Variants in MED25 observed in about 807,000 individuals in gnomAD.
MED25 encodes mediator of RNA polymerase II transcription subunit 25.
MED25 carries 62 observed loss-of-function variants against 89.4 expected under a neutral mutation model. That is an observed-to-expected ratio of 0.69 (90% CI 0.57 to 0.86). MED25 has a LOEUF of 0.86. MED25 is among the 40% of genes least tolerant of loss of function. The probability of loss-of-function intolerance (pLI) is 0.00; values close to 1 mark genes in which losing one functional copy is unlikely to be tolerated. For synonymous variants in MED25, 449 were observed against 427.9 expected, an observed-to-expected ratio of 1.05 and a Z score of -0.61; for missense variants, 905 against 1,005.2, an observed-to-expected ratio of 0.90 and a Z score of 1.35.
At chr19:49,837,044 T>G, downstream of MED25, 38 of 958,510 alleles carry the variant, frequency 4.0e-5, no homozygotes, top group Non-Finnish European at 5.9e-5. Context: ...GGGGCATCTC[T>G]GTCCTTGTTC....
intron 3 of MED25, among the ~76,000 whole-genome samples, chr19:49,827,592 C>T (rs2074024204): frequency 6.6e-6 from 1 of 152,294 alleles, no homozygotes; most frequent in Non-Finnish European, 1.5e-5. Context: ...TTTTCACAGA[C>T]ACCAGCCATA....
In MED25 at chr19:49,818,307, C is replaced by T. The variant is rs777058542; in HGVS notation, c.-35C>T. The T allele has an allele frequency of 4.5e-5, 71 of 1,560,662 alleles. 1 individual carries two copies. In the South Asian group the frequency reaches 7.8e-4, roughly 17 times the overall value. On this transcript the variant is annotated 5_prime_UTR_variant, in exon 1 of 18. Transcript: ENST00000312865. ...TCTGCTCATTCCGCGGCGTCGGCTG[C>T]GGCTGCAGTGGTGGTGGCGGGTACC...
Position 49,836,864 on chromosome 19 carries a change from G to C in MED25, c.2164G>C (p.Gly722Arg). 6.2e-7 allele frequency: 1 copy of C among 1,611,306 alleles called. No individual in the cohort carries two copies. Among genetic ancestry groups the C allele is most frequent in the Non-Finnish European group, 8.5e-7 (1 of 1,179,170 alleles). ...APLPGQMLLS[G>R]GPRGPVPQPG... ...CCCCTCAGGTCAGATGCTGCTGAGC[G>C]GGGGTCCCCGGGGCCCGGTCCCCCA... is the stretch of plus-strand genomic sequence containing the variant. Residue 722 changes from glycine to arginine, a missense_variant, in exon 18 of 18, where the codon GGG becomes CGG. Coordinates refer to ENST00000312865, the MANE Select transcript of MED25 (RefSeq NM_030973.4). The surrounding 1 kb of genome is among the most constrained non-coding windows in gnomAD (Gnocchi z 5.1).
downstream of MED25, chr19:49,839,623 A>G (rs1446369197): frequency 6.6e-6 from 1 of 152,240 alleles, no homozygotes; most frequent in Non-Finnish European, 1.5e-5. Flanking sequence ...GGTCAAGGTT[A>G]TGACCGTTCT....
In MED25 at chr19:49,836,870, C is replaced by A. The variant is rs1027297537; in HGVS notation, c.2170C>A (p.Pro724Thr). Residue 724 changes from proline (P) to threonine (T), a missense_variant, in exon 18 of 18, where the codon CCC becomes ACC. Pro to Thr is a conservative substitution (Grantham distance 38). Coordinates refer to ENST00000312865, the MANE Select transcript of MED25 (RefSeq NM_030973.4). This position sits in a 1 kb window ranked among gnomAD's most constrained non-coding sequence, Gnocchi z 5.1. ...LPGQMLLSGG[P>T]RGPVPQPGLQ... Reference sequence around the variant, plus strand: ...AGGTCAGATGCTGCTGAGCGGGGGTCCCCGGGGCCCGGTCCCCCAGCCGGG... The same window carrying A: ...AGGTCAGATGCTGCTGAGCGGGGGTACCCGGGGCCCGGTCCCCCAGCCGGG... 6.2e-7 allele frequency: 1 copy of A among 1,611,596 alleles called. No homozygotes were observed. The highest frequency in any genetic ancestry group is 1.7e-5 in the Admixed American group (1 of 59,920).
chr19:49,834,077 G>C lies in MED25; in HGVS notation c.1483-909G>C, dbSNP rs1600329493. On this transcript the variant is annotated intron_variant, in intron 13 of 17. Transcript: ENST00000312865. This position sits in a 1 kb window ranked among gnomAD's most constrained non-coding sequence, Gnocchi z 4.1. ...TGCTTTCATGAAGGAGGGGAAGGGG[G>C]CTGTGTGTTTCCCTTTCTTCAAGAC... The C allele has an allele frequency of 6.6e-6, 1 of 152,310 alleles. No individual in the cohort carries two copies. Among genetic ancestry groups the C allele is most frequent in the South Asian group, 2.1e-4 (1 of 4,828 alleles). The allele number at this position is 152,310 out of a possible 1,614,324, so 9.4% of individuals were successfully genotyped here. A position where few individuals can be genotyped will look rare whatever the true frequency, so the allele number is the denominator to read the frequency against.
chr19:49,836,616 C>T lies in MED25; in HGVS notation c.2146+210C>T. 1 of 750,170 alleles carries T rather than the reference C, an allele frequency of 1.3e-6. No individual in the cohort carries two copies. The highest frequency in any genetic ancestry group is 2.4e-6 in the Non-Finnish European group (1 of 420,956). 46.5% of individuals were successfully genotyped at this position (750,170 alleles called of 1,614,324 possible). On this transcript the variant is annotated intron_variant, in intron 17 of 17. Transcript: ENST00000312865. The surrounding 1 kb of genome is among the most constrained non-coding windows in gnomAD (Gnocchi z 5.1). ...TGGGTTAAGAGCGTTTCCCATGATC[C>T]TCCTGTGTGTGCTCCTGGGATTGCT...
In MED25 at chr19:49,831,357, G is replaced by T; in HGVS notation, c.1126G>T (p.Val376Leu). 1.2e-6 allele frequency: 2 copies of T among 1,611,312 alleles called. No homozygotes were observed. The highest frequency in any genetic ancestry group is 1.7e-6 in the Non-Finnish European group (2 of 1,179,012). Residue 376 changes from valine (V) to leucine (L), a missense_variant, in exon 10 of 18, where the codon GTG becomes TTG. Coordinates refer to ENST00000312865, the MANE Select transcript of MED25 (RefSeq NM_030973.4). This position sits in a 1 kb window ranked among gnomAD's most constrained non-coding sequence, Gnocchi z 5.0. ...GGCAGGCACTGTGGCCCCAGGAGGGGTGAGCGGCCCTTCCCCAGCCCAGCT... is the reference window on the plus strand; with the variant it reads ...GGCAGGCACTGTGGCCCCAGGAGGGTTGAGCGGCCCTTCCCCAGCCCAGCT... ...SMAGTVAPGG[V>L]SGPSPAQLGA...
In MED25 at chr19:49,830,824, G is replaced by T. The variant is rs759964732; in HGVS notation, c.1038G>T (p.Leu346=). The change falls in exon 9 of 18, where the codon CTG becomes CTT. Residue 346 remains leucine, a synonymous_variant. Transcript: ENST00000312865. The surrounding 1 kb of genome is among the most constrained non-coding windows in gnomAD (Gnocchi z 4.6). ...CACCACCTGCTTCCCAGCCCAGTCT[G>T]GTCTCCACTGTGGCCCCTGGCTCCG... ...PKPPPASQPS[L]VSTVAPGSGL... is the part of the protein sequence containing the mutation. The T allele has an allele frequency of 4.6e-5, 74 of 1,613,146 alleles. 1 individual carries two copies. The Middle Eastern group carries it at 5.0e-3, about 108-fold the overall frequency.
rs922930666 is a variant in MED25 at position 49,830,333 on chromosome 19, A to G, written c.819+115A>G. ...TGGGATGATGGGAGTCCCATGGGAC[A>G]TTGGGAAGGTGGGACTCTTGGGGCC... On this transcript the variant is annotated intron_variant, in intron 7 of 17. Transcript: ENST00000312865. The surrounding 1 kb of genome is among the most constrained non-coding windows in gnomAD (Gnocchi z 4.6). The G allele has an allele frequency of 8.1e-7, 1 of 1,231,080 alleles. No homozygotes were observed. The allele number at this position is 1,231,080 out of a possible 1,614,324, so 76.3% of individuals were successfully genotyped here. A position where few individuals can be genotyped will look rare whatever the true frequency, so the allele number is the denominator to read the frequency against.
chr19:49,835,584 A>T lies in MED25; in HGVS notation c.1725A>T (p.Gln575His). The T allele has an allele frequency of 6.4e-7, 1 of 1,565,968 alleles. No individual in the cohort carries two copies. Among genetic ancestry groups the T allele is most frequent in the Non-Finnish European group, 8.7e-7 (1 of 1,155,770 alleles). The change falls in exon 15 of 18, where the codon CAA (glutamine) becomes CAT (histidine). Residue 575 changes from glutamine to histidine, a missense_variant. Transcript: ENST00000312865. The surrounding 1 kb of genome is among the most constrained non-coding windows in gnomAD (Gnocchi z 6.2). ...PPGLGPILED[Q>H]ARPSQNLLQL... Reference sequence around the variant, plus strand: ...GGCTGGGGCCCATTCTGGAGGACCAAGCCAGGCCCTCACAGAATCTGGTGA... The same window carrying T: ...GGCTGGGGCCCATTCTGGAGGACCATGCCAGGCCCTCACAGAATCTGGTGA...
chr19:49,818,852 G>T, intron 2 of MED25: 2 of 596,290 alleles, frequency 3.4e-6, no homozygotes, highest in Admixed American at 3.0e-5. Flanking sequence ...TAGGGGCCCA[G>T]ATCCCTGGGT....
In MED25 at chr19:49,829,119, G is replaced by A; in HGVS notation, c.525+29G>A. 1 of 1,602,704 alleles carries A rather than the reference G, an allele frequency of 6.2e-7. No individual in the cohort carries two copies. Among genetic ancestry groups the A allele is most frequent in the Middle Eastern group, 1.7e-4 (1 of 6,038 alleles). On this transcript the variant is annotated intron_variant, in intron 5 of 17. Transcript: ENST00000312865. This position sits in a 1 kb window ranked among gnomAD's most constrained non-coding sequence, Gnocchi z 4.6. Reference sequence around the variant, plus strand: ...AGGACTCCAGGGTCTGAGGGACGAGGGTCTGGGGGCCCGGAGTCTTGGGTC... The same window carrying A: ...AGGACTCCAGGGTCTGAGGGACGAGAGTCTGGGGGCCCGGAGTCTTGGGTC...
rs1239617548 is a variant in MED25, at chr19:49,836,019, A to G, written c.1965+74A>G. The G allele has an allele frequency of 6.4e-7, 1 of 1,574,164 alleles. No homozygotes were observed. Among genetic ancestry groups the G allele is most frequent in the African/African-American group, 1.4e-5 (1 of 73,544 alleles). On this transcript the variant is annotated intron_variant, in intron 16 of 17. Transcript: ENST00000312865. This position sits in a 1 kb window ranked among gnomAD's most constrained non-coding sequence, Gnocchi z 5.1. Reference sequence around the variant, plus strand: ...GGTTCTGGTCCTGTTGTCTGGGAGGAGGGAGGTTGACTGTGGTCAGTGGGT... The same window carrying G: ...GGTTCTGGTCCTGTTGTCTGGGAGGGGGGAGGTTGACTGTGGTCAGTGGGT...
rs1162191786 is a variant in MED25, at chr19:49,834,711, T to C, written c.1483-275T>C. ...TTTTATGCCCAAGAAACTGGGTCCA[T>C]GAGGAGCAGGTGGTGGCTGAAGGTT... On this transcript the variant is annotated intron_variant, in intron 13 of 17. Coordinates refer to ENST00000312865, the MANE Select transcript of MED25 (RefSeq NM_030973.4). This position sits in a 1 kb window ranked among gnomAD's most constrained non-coding sequence, Gnocchi z 4.1. 3.8e-6 allele frequency: 2 copies of C among 523,304 alleles called. No individual in the cohort carries two copies. The highest frequency in any genetic ancestry group is 6.9e-6 in the Non-Finnish European group (2 of 288,092). 32.4% of individuals were successfully genotyped at this position (523,304 alleles called of 1,614,324 possible). A position where few individuals can be genotyped will look rare whatever the true frequency, so the allele number is the denominator to read the frequency against.
In MED25 at chr19:49,836,781, G is replaced by A. The variant is rs2074101777; in HGVS notation, c.2147-66G>A. 7.9e-7 allele frequency: 1 copy of A among 1,261,024 alleles called. No individual in the cohort carries two copies. Among genetic ancestry groups the A allele is most frequent in the Non-Finnish European group, 1.1e-6 (1 of 872,376 alleles). The allele number at this position is 1,261,024 out of a possible 1,614,324, so 78.1% of individuals were successfully genotyped here. ...CCAAGGGCTGCCTAGAAAACTTAGT[G>A]CCTCTGGGCCCTCCTGGGCCCAAGG... On this transcript the variant is annotated intron_variant, in intron 17 of 17. Transcript: ENST00000312865. The surrounding 1 kb of genome is among the most constrained non-coding windows in gnomAD (Gnocchi z 5.1).
rs1441161522 is a variant in MED25 at position 49,828,458 on chromosome 19, C to T, written c.315C>T (p.Gly105=). ...VTWLDGIKFM[G]GGGESCSLIA... is the part of the protein sequence containing the mutation. ...CGCTCTGCCCCTGCAGGTTCATGGG[C>T]GGGGGTGGTGAGAGCTGCAGCCTCA... Residue 105 remains glycine, a synonymous_variant, in exon 4 of 18, where the codon GGC becomes GGT. Coordinates refer to ENST00000312865, the MANE Select transcript of MED25 (RefSeq NM_030973.4). The T allele has an allele frequency of 1.3e-5, 21 of 1,613,068 alleles. No homozygotes were observed. Among genetic ancestry groups the T allele is most frequent in the Non-Finnish European group, 1.6e-5 (19 of 1,179,242 alleles).
At position 49,831,511 on chromosome 19, in the gene MED25, G is replaced by A; in HGVS notation, c.1230+50G>A. 6.3e-7 allele frequency: 1 copy of A among 1,594,266 alleles called. No homozygotes were observed. On this transcript the variant is annotated intron_variant, in intron 10 of 17. Coordinates refer to ENST00000312865, the MANE Select transcript of MED25 (RefSeq NM_030973.4). This position sits in a 1 kb window ranked among gnomAD's most constrained non-coding sequence, Gnocchi z 5.0. ...GCACTTGGGACTCCTGGGGCCGTGG[G>A]GCTGGGCATGTAGGACTCATGGGGC...
chr19:49,834,725 TGGCTGAAGGTTGA>T lies in MED25; in HGVS notation c.1483-260_1483-248del. On this transcript the variant is annotated intron_variant, in intron 13 of 17. Transcript: ENST00000312865. This position sits in a 1 kb window ranked among gnomAD's most constrained non-coding sequence, Gnocchi z 4.1. ...AACTGGGTCCATGAGGAGCAGGTGG[TGGCTGAAGGTTGA>T]AGAGCTGGGCTCCAGCACTTTCTCT... 2 of 546,128 alleles carry T rather than the reference TGGCTGAAGGTTGA, an allele frequency of 3.7e-6. No homozygotes were observed. Among genetic ancestry groups the T allele is most frequent in the South Asian group, 2.1e-5 (1 of 48,090 alleles). The allele number at this position is 546,128 out of a possible 1,614,324, so 33.8% of individuals were successfully genotyped here. A position where few individuals can be genotyped will look rare whatever the true frequency, so the allele number is the denominator to read the frequency against.
Sources: gnomAD v4.1 joint callset for allele counts (sites outside exome capture counted in the v4.1 genomes callset) on GRCh38, gnomAD v4.1.1 for gene constraint, Gnocchi (gnomAD v3.1) non-coding constraint, MANE v1.5 for transcripts, NCBI Gene and HGNC (gene_info 2026-07-23, HGNC 2026-07-21) for gene names.